RALGAPA1: variants seen among roughly 807,000 people sequenced by gnomAD.
RALGAPA1 encodes ral GTPase-activating protein subunit alpha-1.
In RALGAPA1, 52 loss-of-function variants were observed where a neutral mutation model predicts 269.6. The ratio of observed to expected loss-of-function variants is 0.19; its 90% CI spans 0.15 to 0.24. The LOEUF (loss-of-function observed/expected upper bound fraction) is 0.24, where lower values mean the gene tolerates loss of function less well. Ranked by LOEUF, RALGAPA1 falls within the 10% of genes least tolerant of loss-of-function variation. The pLI is 1.00. For synonymous variants in RALGAPA1, 817 were observed against 1,008.3 expected (o/e 0.81, Z 3.60); for missense variants, 1,917 against 3,013.9 (o/e 0.64, Z 8.52).
intron 35 of RALGAPA1, 80 bp from the exon 36 acceptor site, chr14:35,605,789 A>T (rs1341818299): frequency 2.0e-6 from 3 of 1,488,544 alleles, no homozygotes; most frequent in African/African-American, 2.8e-5. Context: ...TCTATGTACA[A>T]AGTATGTAGC....
chr14:35,768,016 C>T (rs1044787603), intron 4 of RALGAPA1, among the ~76,000 whole-genome samples: 1 of 152,152 alleles, frequency 6.6e-6, no homozygotes, highest in Non-Finnish European at 1.5e-5. Flanking sequence ...CTCAAGCGAT[C>T]CACCTGCCTC....
At chr14:35,569,867 T>A (rs140042292) in intron 39 of RALGAPA1, among the ~76,000 whole-genome samples, 4 of 152,262 alleles carry the variant, frequency 2.6e-5, no homozygotes, top group Admixed American at 1.3e-4. Context: ...CCCAACTAGA[T>A]TGAATTATTT....
chr14:35,659,021 G>A, intron 28 of RALGAPA1, 117 bp downstream of exon 28: 1 of 521,866 alleles, frequency 1.9e-6, no homozygotes, highest in East Asian at 3.3e-5. Flanking sequence ...ACTTAAAATT[G>A]TAATTCAGAA....
At chr14:35,683,069 T>C (rs1042977497) in intron 21 of RALGAPA1, among the ~76,000 whole-genome samples, 11 of 152,128 alleles carry the variant, frequency 7.2e-5, no homozygotes, top group African/African-American at 2.7e-4. Context: ...ACCCCATGGA[T>C]AATTAAGCTG....
intron 35 of RALGAPA1, among the ~76,000 whole-genome samples, chr14:35,614,961 C>A (rs929865814): frequency 6.6e-6 from 1 of 151,928 alleles, no homozygotes; most frequent in Non-Finnish European, 1.5e-5. Flanking sequence ...CTTTAAAATG[C>A]AATAAAAGAG....
chr14:35,766,345 TG>T lies in RALGAPA1; in HGVS notation c.326-3593del, dbSNP rs2074146673. 5.5e-6 allele frequency: 7 copies of T among 1,281,304 alleles called. No homozygotes were observed. The South Asian group carries it at 8.5e-5, about 16-fold the overall frequency. The allele number at this position is 1,281,304 out of a possible 1,614,324, so 79.4% of individuals were successfully genotyped here. On this transcript the variant is annotated intron_variant, in intron 4 of 41. Transcript: ENST00000680220. The stretch of plus-strand genomic sequence containing the variant: ...GTTAAACCATTCATGATTCCCAGTT[TG>T]ACAAATGTGAGCAAACTATGTATAG...
At chr14:35,573,895 G>A (rs2057381615) in intron 37 of RALGAPA1, among the ~76,000 whole-genome samples, 1 of 152,102 alleles carries the variant, frequency 6.6e-6, no homozygotes, top group Non-Finnish European at 1.5e-5. Flanking sequence ...CCATGTGTCA[G>A]CTTCCCTAAT....
At chr14:35,597,020 A>G (rs1200025929) in intron 36 of RALGAPA1, among the ~76,000 whole-genome samples, 2 of 152,124 alleles carry the variant, frequency 1.3e-5, no homozygotes, top group African/African-American at 4.8e-5. Flanking sequence ...TCCTGGCTTC[A>G]CAGAAGTTCA....
chr14:35,693,645 G>A (rs1414854299), intron 17 of RALGAPA1, among the ~76,000 whole-genome samples: 4 of 151,890 alleles, frequency 2.6e-5, no homozygotes, highest in Non-Finnish European at 5.9e-5. Context: ...TAAAGCATTA[G>A]AAACCACTTA....
chr14:35,593,327 T>C (rs1277003384), intron 37 of RALGAPA1, among the ~76,000 whole-genome samples: 4 of 152,132 alleles, frequency 2.6e-5, no homozygotes, highest in Non-Finnish European at 4.4e-5. Flanking sequence ...ACATTGATGA[T>C]AGAAATTTAA....
intron 12 of RALGAPA1, among the ~76,000 whole-genome samples, chr14:35,734,853 A>T (rs1481317760): frequency 6.6e-6 from 1 of 152,150 alleles, no homozygotes; most frequent in East Asian, 1.9e-4. Flanking sequence ...TAAATCAGTA[A>T]GAAAAAAAAC....
chr14:35,752,290 A>C, intron 7 of RALGAPA1, 128 bp from the exon 8 acceptor site: 1 of 1,065,278 alleles, frequency 9.4e-7, no homozygotes, highest in Non-Finnish European at 1.3e-6. Context: ...AGATCATGAT[A>C]CATAGCATAA....
At chr14:35,717,681 GC>G (rs1266805277) in intron 16 of RALGAPA1, among the ~76,000 whole-genome samples, 7 of 152,136 alleles carry the variant, frequency 4.6e-5, no homozygotes, top group Admixed American at 1.3e-4. Context: ...CTCCTGAGTA[GC>G]TGGGACTAGG....
intron 36 of RALGAPA1, among the ~76,000 whole-genome samples, chr14:35,602,419 T>A (rs185418276): frequency 1.9e-4 from 29 of 152,318 alleles, no homozygotes; most frequent in African/African-American, 7.0e-4. Context: ...CTGCACATTT[T>A]ACATACCTAC....
At chr14:35,569,112 T>C (rs2056951543) in intron 39 of RALGAPA1, among the ~76,000 whole-genome samples, 1 of 152,222 alleles carries the variant, frequency 6.6e-6, no homozygotes, top group African/African-American at 2.4e-5. Context: ...CATTTCACTG[T>C]GTCAGAATAC....
At chr14:35,684,028 A>C (rs770243692) in intron 20 of RALGAPA1, 43 bp from the exon 21 acceptor site, 7 of 1,518,870 alleles carry the variant, frequency 4.6e-6, no homozygotes, top group Non-Finnish European at 6.3e-6. Flanking sequence ...CCAATTACAA[A>C]GTAAAAATAT....
chr14:35,776,806 G>A (rs143808113), intron 1 of RALGAPA1, among the ~76,000 whole-genome samples: 43 of 152,238 alleles, frequency 2.8e-4, no homozygotes, highest in Middle Eastern at 3.4e-3. Context: ...CGTGAGGTAT[G>A]CATGTATACA....
At chr14:35,733,022 T>A (rs2070651551) in intron 12 of RALGAPA1, among the ~76,000 whole-genome samples, 1 of 152,156 alleles carries the variant, frequency 6.6e-6, no homozygotes, top group South Asian at 2.1e-4. Flanking sequence ...TCAATAAATT[T>A]TAAAAAATTG....
In RALGAPA1 at chr14:35,758,243, CAAAAAAAAAAAAAA is replaced by C. The variant is rs66473514; in HGVS notation, c.548-1349_548-1336del. ...TGGGCGACAGAGCAAGACTCTGTCT[CAAAAAAAAAAAAAA>C]AAAAAAAAACAAACCGAAAAGAAAA... is the stretch of plus-strand genomic sequence containing the variant. On this transcript the variant is annotated intron_variant, in intron 6 of 41. Transcript: ENST00000680220. Among the ~76,000 whole-genome samples, 3 of 49,730 alleles carry C rather than the reference CAAAAAAAAAAAAAA, an allele frequency of 6.0e-5. No homozygotes were observed. The South Asian group carries it at 2.4e-3, about 41-fold the overall frequency. The allele number at this position is 49,730 out of a possible 152,430, so 32.6% of individuals were successfully genotyped here.
Sources: gnomAD v4.1 joint callset for allele counts (sites outside exome capture counted in the v4.1 genomes callset) on GRCh38, gnomAD v4.1.1 for gene constraint, MANE v1.5 for transcripts, NCBI Gene and HGNC (gene_info 2026-07-23, HGNC 2026-07-21) for gene names.